The following RAP1GDS1 variants were observed in gnomAD, a reference collection of about 807,000 sequenced individuals.
The protein encoded by RAP1GDS1 is RAP1, GTP-GDP dissociation stimulator 1.
In RAP1GDS1, 35 loss-of-function variants were observed where a neutral mutation model predicts 71.1. The ratio of observed to expected loss-of-function variants is 0.49; its 90% CI spans 0.38 to 0.65. The LOEUF is 0.65. Ranked by LOEUF, RAP1GDS1 falls within the 30% of genes least tolerant of loss-of-function variation. RAP1GDS1 has a pLI of 0.00. For missense variants in RAP1GDS1, 663 were observed against 706.1 expected (o/e 0.94, Z 0.69); for synonymous variants, 229 against 243.1 (o/e 0.94, Z 0.54).
Position 98,404,663 on chromosome 4 carries a change from A to G in RAP1GDS1, c.763+61A>G. ...ATGTATGCTTTAAACTTTTTTCCTA[A>G]TATTATTTAATTGCCAGCCATTTGA... On this transcript the variant is annotated intron_variant, in intron 7 of 14. Coordinates refer to ENST00000408927, the MANE Select transcript of RAP1GDS1 (RefSeq NM_001100427.2). 3 of 1,524,680 alleles carry G rather than the reference A, an allele frequency of 2.0e-6. No individual in the cohort carries two copies. The South Asian group carries it at 3.7e-5, about 19-fold the overall frequency. 94.4% of individuals were successfully genotyped at this position (1,524,680 alleles called of 1,614,324 possible).
chr4:98,302,553 T>G (rs1728715952), intron 2 of RAP1GDS1, among the ~76,000 whole-genome samples: 1 of 152,116 alleles, frequency 6.6e-6, no homozygotes, highest in African/African-American at 2.4e-5. Flanking sequence ...GAAACAGAGA[T>G]AGTATTTAAA....
chr4:98,290,898 A>C (rs769333206), intron 1 of RAP1GDS1, among the ~76,000 whole-genome samples: 1 of 152,114 alleles, frequency 6.6e-6, no homozygotes, highest in Middle Eastern at 3.2e-3. Context: ...TGCATATATT[A>C]TTCAGGAAGA....
chr4:98,289,645 C>T (rs1726629090), intron 1 of RAP1GDS1, among the ~76,000 whole-genome samples: 1 of 151,588 alleles, frequency 6.6e-6, no homozygotes, highest in Admixed American at 6.6e-5. Context: ...AAACACAGTC[C>T]TTTCCACTTG....
intron 12 of RAP1GDS1, among the ~76,000 whole-genome samples, chr4:98,423,638 G>A (rs377067103): frequency 3.9e-5 from 6 of 151,902 alleles, no homozygotes; most frequent in African/African-American, 1.2e-4. Flanking sequence ...TCCGCCTCCC[G>A]GGATCAAGTG....
Position 98,442,371 on chromosome 4 carries a change from A to G in RAP1GDS1, c.*254A>G, listed in dbSNP as rs963480004. On this transcript the variant is annotated 3_prime_UTR_variant, in exon 15 of 15. Transcript: ENST00000408927. ...TCCTGTTGCTTGAGCTACATTAAGT[A>G]GAATGTGCATGTTGTAGTCCTATGA... is the stretch of plus-strand genomic sequence containing the variant. 2.6e-6 allele frequency: 1 copy of G among 387,406 alleles called. No individual in the cohort carries two copies. The highest frequency in any genetic ancestry group is 4.6e-6 in the Non-Finnish European group (1 of 215,290). 24.0% of individuals were successfully genotyped at this position (387,406 alleles called of 1,614,324 possible). A position where few individuals can be genotyped will look rare whatever the true frequency, so the allele number is the denominator to read the frequency against.
At chr4:98,332,541 A>C (rs1461366216) in intron 2 of RAP1GDS1, among the ~76,000 whole-genome samples, 1 of 152,220 alleles carries the variant, frequency 6.6e-6, no homozygotes, top group Non-Finnish European at 1.5e-5. Flanking sequence ...GGAGGAGAGC[A>C]GAAGGCAATG....
chr4:98,370,863 G>A lies in RAP1GDS1; in HGVS notation c.362-8154G>A, dbSNP rs568278081. Among the ~76,000 whole-genome samples, 59 of 152,110 alleles carry A rather than the reference G, an allele frequency of 3.9e-4. 1 individual carries two copies. Among genetic ancestry groups the A allele is most frequent in the Middle Eastern group, 3.4e-3 (1 of 294 alleles). ...TGGGATTACAGGTGTGAGCCATCGC[G>A]CCCAGCTGTATTGAGGCTTTTATTC... is the stretch of plus-strand genomic sequence containing the variant. On this transcript the variant is annotated intron_variant, in intron 4 of 14. Coordinates refer to ENST00000408927, the MANE Select transcript of RAP1GDS1 (RefSeq NM_001100427.2).
At chr4:98,323,572 C>G (rs1056039744) in intron 2 of RAP1GDS1, among the ~76,000 whole-genome samples, 1 of 141,688 alleles carries the variant, frequency 7.1e-6, no homozygotes, top group African/African-American at 2.7e-5. Context: ...AGCTTATCCA[C>G]CATGATCAAG....
In RAP1GDS1 at chr4:98,392,012, G is replaced by T; in HGVS notation, c.569G>T (p.Gly190Val). The T allele has an allele frequency of 6.2e-7, 1 of 1,610,926 alleles. No homozygotes were observed. The highest frequency in any genetic ancestry group is 8.5e-7 in the Non-Finnish European group (1 of 1,177,744). Residue 190 changes from glycine to valine, a missense_variant, in exon 6 of 15, where the codon GGC becomes GTC. Transcript: ENST00000408927. Reference sequence around the variant, plus strand: ...ATTCCTACCTTAGTGAAATTACTGGGCATCCACTGCCAAAATGCAGCTCTT... The same window carrying T: ...ATTCCTACCTTAGTGAAATTACTGGTCATCCACTGCCAAAATGCAGCTCTT... ...GVIPTLVKLL[G>V]IHCQNAALTE...
At chr4:98,314,091 A>G (rs1355216512) in intron 2 of RAP1GDS1, among the ~76,000 whole-genome samples, 1 of 152,168 alleles carries the variant, frequency 6.6e-6, no homozygotes, top group Non-Finnish European at 1.5e-5. Context: ...AGCAAGCAGA[A>G]TGTTTTTATT....
chr4:98,310,381 A>G (rs1008091112), intron 2 of RAP1GDS1, among the ~76,000 whole-genome samples: 18 of 152,284 alleles, frequency 1.2e-4, no homozygotes, highest in Middle Eastern at 6.8e-3. Context: ...AGAAGCAATG[A>G]GGTATGTTCA....
intron 13 of RAP1GDS1, among the ~76,000 whole-genome samples, chr4:98,436,610 A>T (rs1488464211): frequency 1.3e-5 from 2 of 152,210 alleles, no homozygotes; most frequent in African/African-American, 4.8e-5. Context: ...ATAATTCTTT[A>T]AGGTGATAAG....
At chr4:98,379,896 C>G (rs890093972) in intron 5 of RAP1GDS1, among the ~76,000 whole-genome samples, 4 of 151,674 alleles carry the variant, frequency 2.6e-5, no homozygotes, top group African/African-American at 9.7e-5. Flanking sequence ...TAAGGTCTTT[C>G]TGTGGTTTGT....
rs894792750 is a variant in RAP1GDS1 at position 98,272,347 on chromosome 4, G to A, written c.4+10778G>A. On this transcript the variant is annotated intron_variant, in intron 1 of 14. Transcript: ENST00000408927. ...ATGCTTCGGGATTTATCAAACACTT[G>A]GAAAGCATTTTCTGCATCCTGCTGG... 5.9e-5 allele frequency among the ~76,000 whole-genome samples: 9 copies of A among 152,220 alleles called. No individual in the cohort carries two copies. The South Asian group carries it at 1.2e-3, about 21-fold the overall frequency.
intron 12 of RAP1GDS1, among the ~76,000 whole-genome samples, chr4:98,423,138 G>A (rs962554715): frequency 3.3e-5 from 5 of 152,182 alleles, no homozygotes; most frequent in Non-Finnish European, 7.3e-5. Context: ...TATGCTATTC[G>A]GGTGTAACAG....
rs771404727 is a variant in RAP1GDS1 at position 98,417,320 on chromosome 4, C to T, written c.908-47C>T. ...CACCTAAGAATGTGAATTTGTTACT[C>T]CTAGTTATTTTTCTCTTGCTTAACT... On this transcript the variant is annotated intron_variant, in intron 8 of 14. Coordinates refer to ENST00000408927, the MANE Select transcript of RAP1GDS1 (RefSeq NM_001100427.2). 8 of 1,564,306 alleles carry T rather than the reference C, an allele frequency of 5.1e-6. No homozygotes were observed. In the Admixed American group the frequency reaches 1.2e-4, roughly 24 times the overall value.
chr4:98,306,516 A>G (rs1249666255), intron 2 of RAP1GDS1, among the ~76,000 whole-genome samples: 1 of 152,216 alleles, frequency 6.6e-6, no homozygotes, highest in Admixed American at 6.5e-5. Flanking sequence ...TTTGGGTGGG[A>G]CACAACATTT....
At chr4:98,360,432 G>T (rs1189749764) in intron 4 of RAP1GDS1, among the ~76,000 whole-genome samples, 1 of 151,136 alleles carries the variant, frequency 6.6e-6, no homozygotes, top group Non-Finnish European at 1.5e-5. Flanking sequence ...GACTTAGGTA[G>T]GGTGGGAAAA....
chr4:98,317,237 A>G (rs1344020420), intron 2 of RAP1GDS1, among the ~76,000 whole-genome samples: 2 of 152,196 alleles, frequency 1.3e-5, no homozygotes, highest in East Asian at 1.9e-4. Context: ...GCCTTTCCCC[A>G]TGCCAGATTG....
Sources: allele counts gnomAD v4.1 joint callset (sites outside exome capture counted in the v4.1 genomes callset), GRCh38; gene constraint gnomAD v4.1.1; transcripts MANE v1.5; gene names NCBI Gene and HGNC (gene_info 2026-07-23, HGNC 2026-07-21).